IL1RAPL2: variants seen among roughly 807,000 people sequenced by gnomAD.
IL1RAPL2 encodes interleukin 1 receptor accessory protein like 2, also known as X-linked interleukin-1 receptor accessory protein-like 2.
In IL1RAPL2, 3 loss-of-function variants were observed where a neutral mutation model predicts 44.1. The observed-to-expected ratio is 0.07, with a 90% confidence interval of 0.03 to 0.18. The LOEUF (loss-of-function observed/expected upper bound fraction) is 0.18, where lower values mean the gene tolerates loss of function less well. Ranked by LOEUF, IL1RAPL2 falls within the 10% of genes least tolerant of loss-of-function variation. IL1RAPL2 has a pLI of 1.00. For missense variants in IL1RAPL2, 391 were observed against 496.4 expected, an observed-to-expected ratio of 0.79 and a Z score of 2.02; for synonymous variants, 181 against 178.8, an observed-to-expected ratio of 1.01 and a Z score of -0.10.
chrX:105,016,281 T>C (rs1430897139), intron 2 of IL1RAPL2, among the ~76,000 whole-genome samples: 1 of 111,626 alleles, frequency 9.0e-6, no homozygotes, highest in African/African-American at 3.3e-5. Flanking sequence ...TGACTTCCTC[T>C]TTTCCTGATT....
At chrX:105,146,049 C>T (rs2033177072) in intron 2 of IL1RAPL2, among the ~76,000 whole-genome samples, 1 of 111,453 alleles carries the variant, frequency 9.0e-6, no homozygotes, top group East Asian at 2.8e-4. Context: ...ATCTATGAAG[C>T]AGAAAGCCCT....
chrX:104,875,812 C>A (rs1922886438), intron 2 of IL1RAPL2, among the ~76,000 whole-genome samples: 1 of 111,738 alleles, frequency 8.9e-6, no homozygotes, highest in Non-Finnish European at 1.9e-5. Flanking sequence ...CTACTTAGCA[C>A]ATATCACCAT....
chrX:104,594,735 G>A (rs1928732848), intron 1 of IL1RAPL2, among the ~76,000 whole-genome samples: 1 of 111,551 alleles, frequency 9.0e-6, no homozygotes, highest in South Asian at 3.8e-4. Context: ...TAGAGTAATT[G>A]AGGAAGGCCT....
chrX:105,401,858 C>G (rs2035608408), intron 5 of IL1RAPL2, among the ~76,000 whole-genome samples: 1 of 109,329 alleles, frequency 9.1e-6, no homozygotes, highest in Admixed American at 9.8e-5. Context: ...TTGAGTTAAC[C>G]AAAACCTGAC....
At chrX:105,600,047 A>AT (rs1259910651) in intron 6 of IL1RAPL2, among the ~76,000 whole-genome samples, 6 of 111,056 alleles carry the variant, frequency 5.4e-5, no homozygotes, top group Non-Finnish European at 1.1e-4. Flanking sequence ...TATGATAGTA[A>AT]TTTTTTTCTT....
chrX:105,328,652 G>T (rs1171285863), intron 5 of IL1RAPL2, among the ~76,000 whole-genome samples: 1 of 111,721 alleles, frequency 9.0e-6, no homozygotes, highest in African/African-American at 3.2e-5. Flanking sequence ...CACTAATTAT[G>T]ATAGATTTAC....
At chrX:105,486,920 G>A (rs760839104) in intron 6 of IL1RAPL2, among the ~76,000 whole-genome samples, 2 of 107,947 alleles carry the variant, frequency 1.9e-5, no homozygotes, top group East Asian at 2.9e-4. Context: ...GTGAAACCCC[G>A]TCTCTACTAA....
At chrX:104,908,089 G>A (rs1924085303) in intron 2 of IL1RAPL2, among the ~76,000 whole-genome samples, 2 of 110,169 alleles carry the variant, frequency 1.8e-5, no homozygotes, top group South Asian at 7.7e-4. Flanking sequence ...ATCTTTGTTG[G>A]TTTAAAGTCT....
At chrX:104,578,333 C>T (rs1217320261) in intron 1 of IL1RAPL2, among the ~76,000 whole-genome samples, 1 of 112,149 alleles carries the variant, frequency 8.9e-6, no homozygotes, top group African/African-American at 3.2e-5. Flanking sequence ...CTAGTGCTAT[C>T]TCCAAGAATA....
chrX:104,840,616 C>T (rs1322794053), intron 2 of IL1RAPL2, among the ~76,000 whole-genome samples: 1 of 110,639 alleles, frequency 9.0e-6, no homozygotes, highest in Admixed American at 9.7e-5. Context: ...TACTGAATAT[C>T]CTTGTTGATT....
intron 2 of IL1RAPL2, among the ~76,000 whole-genome samples, chrX:104,817,350 G>A (rs911223203): frequency 3.6e-5 from 4 of 112,264 alleles, no homozygotes; most frequent in African/African-American, 1.3e-4. Flanking sequence ...GGGGAACATG[G>A]GTTCTGGTTT....
At chrX:105,151,203 A>G (rs2033224179) in intron 2 of IL1RAPL2, among the ~76,000 whole-genome samples, 1 of 112,021 alleles carries the variant, frequency 8.9e-6, no homozygotes, top group African/African-American at 3.2e-5. Context: ...AAATATGTCT[A>G]GGATCATAGA....
intron 6 of IL1RAPL2, among the ~76,000 whole-genome samples, chrX:105,680,745 G>GTAGA (rs958002688): frequency 1.8e-5 from 2 of 112,079 alleles, no homozygotes; most frequent in African/African-American, 6.5e-5. Context: ...ATTATAAGTT[G>GTAGA]TAGATAGTGT....
intron 6 of IL1RAPL2, among the ~76,000 whole-genome samples, chrX:105,599,868 T>C (rs902602290): frequency 1.8e-5 from 2 of 111,005 alleles, no homozygotes; most frequent in South Asian, 7.6e-4. Context: ...AAAAAATCCA[T>C]AGTGAATAAT....
rs764822321 is a variant in IL1RAPL2 at position 105,034,274 on chromosome X, C to T, written c.83-161201C>T. 2.2e-3 allele frequency among the ~76,000 whole-genome samples: 250 copies of T among 112,311 alleles called. 1 individual carries two copies. The highest frequency in any genetic ancestry group is 7.5e-3 in the African/African-American group (232 of 30,951). On this transcript the variant is annotated intron_variant, in intron 2 of 10. Transcript: ENST00000372582. Reference sequence around the variant, plus strand: ...TTGTTCTGTTGCTGGTGAGGAGCTGCGTTCCTTTGGAGGAGGAGAGGTGCT... The same window carrying T: ...TTGTTCTGTTGCTGGTGAGGAGCTGTGTTCCTTTGGAGGAGGAGAGGTGCT...
intron 2 of IL1RAPL2, among the ~76,000 whole-genome samples, chrX:105,004,545 T>C (rs747987119): frequency 9.0e-5 from 10 of 110,814 alleles, no homozygotes; most frequent in African/African-American, 3.3e-4. Context: ...AGTTCAGCAA[T>C]ATAATTTCAT....
intron 7 of IL1RAPL2, among the ~76,000 whole-genome samples, chrX:105,740,036 C>T (rs2038485362): frequency 9.6e-6 from 1 of 104,603 alleles, no homozygotes; most frequent in Non-Finnish European, 1.9e-5. Flanking sequence ...TTAATGATTG[C>T]CATTCTAACT....
chrX:105,224,754 C>T (rs1179666572), intron 3 of IL1RAPL2, among the ~76,000 whole-genome samples: 1 of 111,412 alleles, frequency 9.0e-6, no homozygotes, highest in Non-Finnish European at 1.9e-5. Context: ...TCAGTGTAAT[C>T]TGATATTTAC....
intron 6 of IL1RAPL2, among the ~76,000 whole-genome samples, chrX:105,598,997 A>G (rs925210612): frequency 8.9e-6 from 1 of 112,056 alleles, no homozygotes; most frequent in Admixed American, 9.4e-5. Flanking sequence ...ATGAAAATTC[A>G]CAATAAGCAA....
Sources: allele counts gnomAD v4.1 joint callset (sites outside exome capture counted in the v4.1 genomes callset), GRCh38; gene constraint gnomAD v4.1.1; transcripts MANE v1.5; gene names NCBI Gene and HGNC (gene_info 2026-07-23, HGNC 2026-07-21).